MTUS2: variants seen among roughly 807,000 people sequenced by gnomAD.
MTUS2 encodes microtubule associated scaffold protein 2, also known as microtubule-associated tumor suppressor candidate 2.
In MTUS2, 40 loss-of-function variants were observed where a neutral mutation model predicts 114.1. The ratio of observed to expected loss-of-function variants is 0.35; its 90% CI spans 0.27 to 0.46. The LOEUF (loss-of-function observed/expected upper bound fraction) is 0.46. Ranked by LOEUF, MTUS2 falls within the 20% of genes least tolerant of loss-of-function variation. The pLI is 1.00. For missense variants in MTUS2, 1,679 were observed against 1,705.4 expected (o/e 0.98, Z 0.27); for synonymous variants, 688 against 672.0 (o/e 1.02, Z -0.37).
At chr13:29,331,555 C>T (rs995832172) in intron 7 of MTUS2, among the ~76,000 whole-genome samples, 9 of 152,174 alleles carry the variant, frequency 5.9e-5, no homozygotes, top group Non-Finnish European at 5.9e-5. Context: ...TACCTGACTT[C>T]AAACTATATT....
intron 5 of MTUS2, among the ~76,000 whole-genome samples, chr13:29,200,445 T>C (rs1894894328): frequency 6.6e-6 from 1 of 151,962 alleles, no homozygotes; most frequent in Non-Finnish European, 1.5e-5. Flanking sequence ...AATTTCGTTA[T>C]TTACCCAGTA....
chr13:28,879,683 A>G (rs1454587481), intron 2 of MTUS2, among the ~76,000 whole-genome samples: 2 of 152,188 alleles, frequency 1.3e-5, no homozygotes, highest in African/African-American at 4.8e-5. Flanking sequence ...AGAGTTTTAA[A>G]TGATTTCCAT....
chr13:29,126,621 T>C (rs1379947070), intron 5 of MTUS2, among the ~76,000 whole-genome samples: 3 of 148,732 alleles, frequency 2.0e-5, no homozygotes, highest in African/African-American at 7.4e-5. Flanking sequence ...CCTTATGAGA[T>C]TTTTTTGTGA....
chr13:29,333,931 C>G (rs1330517909), intron 7 of MTUS2, among the ~76,000 whole-genome samples: 1 of 152,148 alleles, frequency 6.6e-6, no homozygotes, highest in Non-Finnish European at 1.5e-5. Flanking sequence ...GATCCCGTTA[C>G]CATTATATAA....
chr13:29,504,511 G>C lies in MTUS2; in HGVS notation c.*1305G>C, dbSNP rs928461509. ...TGGATGATCAGGCAACGCTGCTGCTGACCGTGCTCCCATCTTAGACCCAGA... is the reference window on the plus strand; with the variant it reads ...TGGATGATCAGGCAACGCTGCTGCTCACCGTGCTCCCATCTTAGACCCAGA... On this transcript the variant is annotated 3_prime_UTR_variant, in exon 16 of 16. Coordinates refer to ENST00000612955, the MANE Select transcript of MTUS2 (RefSeq NM_001033602.4). 6 of 232,492 alleles carry C rather than the reference G, an allele frequency of 2.6e-5. No homozygotes were observed. Among genetic ancestry groups the C allele is most frequent in the Non-Finnish European group, 3.4e-5 (4 of 117,844 alleles). The allele number at this position is 232,492 out of a possible 1,614,324, so 14.4% of individuals were successfully genotyped here.
chr13:28,909,156 T>C (rs1880240874), intron 2 of MTUS2, among the ~76,000 whole-genome samples: 1 of 151,588 alleles, frequency 6.6e-6, no homozygotes, highest in African/African-American at 2.4e-5. Context: ...TGGCTTAGGA[T>C]TGACTTGGCG....
At chr13:28,948,488 C>T (rs1288797042) in intron 2 of MTUS2, among the ~76,000 whole-genome samples, 2 of 152,114 alleles carry the variant, frequency 1.3e-5, no homozygotes, top group Non-Finnish European at 2.9e-5. Context: ...AATATGCAAG[C>T]AGATGGCAGG....
intron 9 of MTUS2, among the ~76,000 whole-genome samples, chr13:29,471,445 A>G (rs1330844193): frequency 6.6e-6 from 1 of 152,224 alleles, no homozygotes; most frequent in Non-Finnish European, 1.5e-5. Flanking sequence ...GCCAAGAACT[A>G]TGCTTGTCAC....
At chr13:29,370,942 A>G (rs1426222905) in intron 8 of MTUS2, among the ~76,000 whole-genome samples, 2 of 152,224 alleles carry the variant, frequency 1.3e-5, no homozygotes, top group Non-Finnish European at 2.9e-5. Context: ...AGGGACACAT[A>G]ATGATAAAGG....
chr13:29,133,529 T>C (rs1452627427), intron 5 of MTUS2, among the ~76,000 whole-genome samples: 7 of 152,214 alleles, frequency 4.6e-5, no homozygotes, highest in Non-Finnish European at 8.8e-5. Context: ...AACTTTTGTA[T>C]ATGATGTTAG....
At chr13:29,074,686 C>T (rs1889104014) in intron 4 of MTUS2, among the ~76,000 whole-genome samples, 1 of 152,116 alleles carries the variant, frequency 6.6e-6, no homozygotes, top group South Asian at 2.1e-4. Flanking sequence ...CTATTTTAGT[C>T]ACCTATCTCC....
At chr13:29,138,531 A>T (rs1160554037) in intron 5 of MTUS2, among the ~76,000 whole-genome samples, 9 of 148,244 alleles carry the variant, frequency 6.1e-5, no homozygotes, top group Non-Finnish European at 4.5e-5. Flanking sequence ...AAACTTTATA[A>T]CTCAAGTACA....
At position 28,962,601 on chromosome 13, in the gene MTUS2, G is replaced by A. The variant is rs113731002; in HGVS notation, c.-242-61856G>A. ...CAGAAAAGCCAGTTTCCTGTTTGCA[G>A]CTGGTGTATGCCATTGGCCATCCTA... is the stretch of plus-strand genomic sequence containing the variant. On this transcript the variant is annotated intron_variant, in intron 2 of 15. Transcript: ENST00000612955. Among the ~76,000 whole-genome samples the A allele has an allele frequency of 2.3e-3, 350 of 152,326 alleles. 2 individuals are homozygous for A. Among genetic ancestry groups the A allele is most frequent in the African/African-American group, 6.8e-3 (283 of 41,584 alleles).
intron 6 of MTUS2, among the ~76,000 whole-genome samples, chr13:29,285,864 CAAA>C (rs1169260025): frequency 6.6e-6 from 1 of 152,040 alleles, no homozygotes; most frequent in East Asian, 1.9e-4. Flanking sequence ...AACAAAAATT[CAAA>C]AAAACTTTGG....
chr13:29,190,985 G>A lies in MTUS2; in HGVS notation c.2644+90015G>A, dbSNP rs1293236452. 4.6e-5 allele frequency among the ~76,000 whole-genome samples: 7 copies of A among 152,130 alleles called. No homozygotes were observed. In the East Asian group the frequency reaches 1.4e-3, roughly 29 times the overall value. On this transcript the variant is annotated intron_variant, in intron 5 of 15. Coordinates refer to ENST00000612955, the MANE Select transcript of MTUS2 (RefSeq NM_001033602.4). ...ACATAGGCATGCTCCTTATAAGAGA[G>A]CCTTTTTGGGAACCCTGTGCAGAGA...
intron 4 of MTUS2, among the ~76,000 whole-genome samples, chr13:29,089,094 G>A (rs1889826360): frequency 6.6e-6 from 1 of 152,162 alleles, no homozygotes. Flanking sequence ...CAGGTATCAG[G>A]TTTTTATTTC....
At chr13:29,106,429 G>A (rs1328083552) in intron 5 of MTUS2, among the ~76,000 whole-genome samples, 1 of 152,138 alleles carries the variant, frequency 6.6e-6, no homozygotes, top group Non-Finnish European at 1.5e-5. Flanking sequence ...GCATGATCTC[G>A]TCTCACTGCA....
chr13:29,123,308 C>T (rs907090658), intron 5 of MTUS2, among the ~76,000 whole-genome samples: 10 of 151,780 alleles, frequency 6.6e-5, no homozygotes, highest in Admixed American at 4.6e-4. Flanking sequence ...CTCTGTGATT[C>T]ATTGTGTTTA....
At chr13:29,408,186 A>C (rs1418554736) in intron 8 of MTUS2, among the ~76,000 whole-genome samples, 2 of 152,104 alleles carry the variant, frequency 1.3e-5, no homozygotes, top group African/African-American at 4.8e-5. Flanking sequence ...CGGGTATATA[A>C]TGTATCATTA....
Sources: gnomAD v4.1 joint callset for allele counts (sites outside exome capture counted in the v4.1 genomes callset) on GRCh38, gnomAD v4.1.1 for gene constraint, MANE v1.5 for transcripts, NCBI Gene and HGNC (gene_info 2026-07-23, HGNC 2026-07-21) for gene names.